The following USP9Y variants were observed in gnomAD, a reference collection of about 807,000 sequenced individuals.
USP9Y encodes ubiquitin specific peptidase 9 Y-linked, also known as ubiquitin carboxyl-terminal hydrolase 9Y.
In USP9Y, 41 loss-of-function variants were observed where a neutral mutation model predicts 53.1. The observed-to-expected ratio is 0.77, with a 90% CI of 0.60 to 1.00. The LOEUF (loss-of-function observed/expected upper bound fraction) is 1.00, where lower values mean the gene tolerates loss of function less well. USP9Y is among the 50% of genes least tolerant of loss of function. The pLI is 0.00. For missense variants in USP9Y, 567 were observed against 535.8 expected (o/e 1.06, Z -0.58); for synonymous variants, 220 against 173.7 (o/e 1.27, Z -2.09).
In USP9Y at chrY:12,811,770, A is replaced by G. The variant is rs1362440351; in HGVS notation, c.4375A>G (p.Asn1459Asp). Residue 1459 changes from asparagine to aspartate, a missense_variant, in exon 30 of 46, where the codon AAT (asparagine) becomes GAT (aspartate). Asn to Asp is a conservative substitution (Grantham distance 23). Coordinates refer to ENST00000338981, the MANE Select transcript of USP9Y (RefSeq NM_004654.4). The stretch of plus-strand genomic sequence containing the variant: ...CTTTGGTTGTGAAAAAGGAGGTGCT[A>G]ATCTCATTAAAGTAAGTACTTTTTT... Reference protein sequence around the residue: ...YHFGCEKGGANLIKELIDDFI... With the variant: ...YHFGCEKGGADLIKELIDDFI... 2.5e-6 allele frequency: 1 copy of G among 395,896 alleles called. No individual in the cohort carries two copies. Among genetic ancestry groups the G allele is most frequent in the South Asian group, 3.0e-5 (1 of 33,615 alleles).
chrY:12,791,241 C>T, intron 25 of USP9Y, among the ~76,000 whole-genome samples: 1 of 33,019 alleles, frequency 3.0e-5, no homozygotes. Context: ...AGGATAAAGC[C>T]ATATCAGACT....
Position 12,757,407 on chromosome Y carries a change from G to C in USP9Y, c.1629+9G>C. ...ATTATAGTTGTTCCCAGGTATGGGA[G>C]TGTTTCTTTGTTCAGTTTTCTGACT... is the stretch of plus-strand genomic sequence containing the variant. On this transcript the variant is annotated intron_variant, in intron 13 of 45. Coordinates refer to ENST00000338981, the MANE Select transcript of USP9Y (RefSeq NM_004654.4). 2.6e-6 allele frequency: 1 copy of C among 386,120 alleles called. No individual in the cohort carries two copies. Among genetic ancestry groups the C allele is most frequent in the Admixed American group, 7.6e-5 (1 of 13,159 alleles).
At chrY:12,836,824 A>G in intron 34 of USP9Y, among the ~76,000 whole-genome samples, 1 of 32,808 alleles carries the variant, frequency 3.0e-5, no homozygotes, top group Non-Finnish European at 7.5e-5. Flanking sequence ...CAGCCTCCCA[A>G]GTAGCTGGGA....
intron 33 of USP9Y, among the ~76,000 whole-genome samples, chrY:12,829,989 G>A (rs2053549647): frequency 6.1e-5 from 2 of 33,017 alleles, no homozygotes; most frequent in East Asian, 1.6e-3. Flanking sequence ...GTACAACTAA[G>A]CAGGCTGACT....
chrY:12,820,359 T>A (rs2053540310), intron 33 of USP9Y, among the ~76,000 whole-genome samples: 4 of 33,216 alleles, frequency 1.2e-4, no homozygotes, highest in African/African-American at 4.7e-4. Context: ...AGGAAAGGGC[T>A]CTTCTGATTT....
At chrY:12,801,275 A>G in intron 27 of USP9Y, among the ~76,000 whole-genome samples, 1 of 33,804 alleles carries the variant, frequency 3.0e-5, no homozygotes, top group Non-Finnish European at 7.3e-5. Flanking sequence ...AATATTGCAC[A>G]AGAAGTTTTA....
At position 12,812,813 on chromosome Y, in the gene USP9Y, T is replaced by C; in HGVS notation, c.4387-17T>C. 1 of 357,074 alleles carries C rather than the reference T, an allele frequency of 2.8e-6. No homozygotes were observed. Among genetic ancestry groups the C allele is most frequent in the Non-Finnish European group, 4.1e-6 (1 of 245,331 alleles). The allele number at this position is 357,074 out of a possible 400,897, so 89.1% of individuals were successfully genotyped here. A position where few individuals can be genotyped will look rare whatever the true frequency, so the allele number is the denominator to read the frequency against. On this transcript the variant is annotated splice_polypyrimidine_tract_variant and intron_variant, in intron 30 of 45. Transcript: ENST00000338981. ...TTTTCTACTAATAACATGTAATGTC[T>C]TTTTCTAACTTACTAGGAATTAATT...
In USP9Y at chrY:12,859,710, G is replaced by C; in HGVS notation, c.*294G>C. ...AATTCTTAAGCAAGAAACTTTTTTT[G>C]ATGAAAACAAGTCAGATCTACACAG... On this transcript the variant is annotated 3_prime_UTR_variant, in exon 46 of 46. Coordinates refer to ENST00000338981, the MANE Select transcript of USP9Y (RefSeq NM_004654.4). The C allele has an allele frequency of 2.5e-5, 1 of 40,336 alleles. No homozygotes were observed. 10.1% of individuals were successfully genotyped at this position (40,336 alleles called of 400,897 possible).
At chrY:12,780,583 G>C (rs2053497807) in intron 22 of USP9Y, among the ~76,000 whole-genome samples, 1 of 33,243 alleles carries the variant, frequency 3.0e-5, no homozygotes, top group Admixed American at 2.8e-4. Flanking sequence ...TTATTATTTG[G>C]TTGTTTTGTT....
intron 12 of USP9Y, among the ~76,000 whole-genome samples, chrY:12,741,131 G>A (rs774862658): frequency 8.0e-3 from 255 of 31,938 alleles, no homozygotes; most frequent in African/African-American, 0.028. Context: ...GGACCTCGGG[G>A]GCAGAGGTTG....
At chrY:12,714,185 AT>A (rs763602799) in intron 3 of USP9Y, among the ~76,000 whole-genome samples, 1 of 27,201 alleles carries the variant, frequency 3.7e-5, no homozygotes, top group Non-Finnish European at 8.8e-5. Flanking sequence ...TGCCAGGCCA[AT>A]TTTTTTTTTT....
At chrY:12,845,417 A>G in intron 39 of USP9Y, among the ~76,000 whole-genome samples, 1 of 32,846 alleles carries the variant, frequency 3.0e-5, no homozygotes, top group Non-Finnish European at 7.5e-5. Context: ...AACTGAGAAA[A>G]TAGTAGTGCC....
chrY:12,822,860 TTTTG>T (rs1487193822), intron 33 of USP9Y, among the ~76,000 whole-genome samples: 6 of 33,180 alleles, frequency 1.8e-4, no homozygotes, highest in African/African-American at 7.0e-4. Context: ...TTGCATCTTT[TTTTG>T]TTTGTTTGTT....
intron 13 of USP9Y, among the ~76,000 whole-genome samples, chrY:12,758,305 G>A (rs2053471390): frequency 6.0e-5 from 2 of 33,491 alleles, no homozygotes; most frequent in Admixed American, 2.7e-4. Context: ...TTATAGAAGC[G>A]CCTTACATTT....
At chrY:12,755,024 T>G in intron 12 of USP9Y, among the ~76,000 whole-genome samples, 1 of 32,874 alleles carries the variant, frequency 3.0e-5, no homozygotes, top group Non-Finnish European at 7.5e-5. Context: ...GTGATCCTTT[T>G]TCATTGTTTA....
chrY:12,856,143 T>C, intron 42 of USP9Y, among the ~76,000 whole-genome samples, 197 bp from the exon 43 acceptor site: 1 of 32,897 alleles, frequency 3.0e-5, no homozygotes, highest in Non-Finnish European at 7.5e-5. Flanking sequence ...GGCAAGCTAT[T>C]TGTGCTGTCT....
At chrY:12,708,427 TCA>T (rs2053421393) in intron 1 of USP9Y, among the ~76,000 whole-genome samples, 2 of 33,534 alleles carry the variant, frequency 6.0e-5, no homozygotes, top group Non-Finnish European at 1.5e-4. Context: ...AAACGTGAGC[TCA>T]CTTGACAGAT....
intron 16 of USP9Y, among the ~76,000 whole-genome samples, chrY:12,771,856 A>G: frequency 3.1e-5 from 1 of 32,503 alleles, no homozygotes; most frequent in African/African-American, 1.2e-4. Context: ...TTCAGTTTGC[A>G]AAATATTCTA....
chrY:12,757,182 C>A lies in USP9Y; in HGVS notation c.1423-10C>A. On this transcript the variant is annotated splice_polypyrimidine_tract_variant and intron_variant, in intron 12 of 45. Coordinates refer to ENST00000338981, the MANE Select transcript of USP9Y (RefSeq NM_004654.4). ...ATGTGGTATTTATATCATTTAAATA[C>A]TTTCTTTAGGCAAGTTGGACAAATG... is the stretch of plus-strand genomic sequence containing the variant. The A allele has an allele frequency of 5.0e-6, 2 of 396,865 alleles. No homozygotes were observed. Among genetic ancestry groups the A allele is most frequent in the Non-Finnish European group, 7.1e-6 (2 of 281,986 alleles).
Sources: gnomAD v4.1 joint callset for allele counts (sites outside exome capture counted in the v4.1 genomes callset) on GRCh38, gnomAD v4.1.1 for gene constraint, MANE v1.5 for transcripts, NCBI Gene and HGNC (gene_info 2026-07-23, HGNC 2026-07-21) for gene names.